The following PRKAR2B variants were observed in gnomAD, a reference collection of about 807,000 sequenced individuals.
PRKAR2B encodes the protein cAMP-dependent protein kinase type II-beta regulatory subunit.
Under a neutral mutation model 49.9 loss-of-function variants are expected in PRKAR2B, and 14 were observed. The ratio of observed to expected loss-of-function variants is 0.28; its 90% CI spans 0.19 to 0.44. PRKAR2B has a LOEUF of 0.44. PRKAR2B is among the 20% of genes least tolerant of loss of function. The pLI is 1.00. For synonymous variants in PRKAR2B, 196 were observed against 197.7 expected (o/e 0.99, Z 0.07); for missense variants, 393 against 537.9 (o/e 0.73, Z 2.67).
At chr7:107,106,131 C>T (rs771317430) in intron 2 of PRKAR2B, among the ~76,000 whole-genome samples, 3 of 152,202 alleles carry the variant, frequency 2.0e-5, no homozygotes, top group Non-Finnish European at 4.4e-5. Context: ...CCAAACAGCC[C>T]TGGAACAGAG....
intron 2 of PRKAR2B, among the ~76,000 whole-genome samples, chr7:107,101,875 CTTT>C (rs10589473): frequency 0.018 from 1,667 of 94,216 alleles, 20 homozygotes; most frequent in Non-Finnish European, 0.025. Context: ...AGCCCTGATC[CTTT>C]TTTTTTTTTT....
intron 2 of PRKAR2B, among the ~76,000 whole-genome samples, chr7:107,080,328 A>G (rs1794491898): frequency 6.6e-6 from 1 of 152,228 alleles, no homozygotes; most frequent in Non-Finnish European, 1.5e-5. Context: ...ACCAAGGCAG[A>G]GAAAAGTCAG....
intron 2 of PRKAR2B, among the ~76,000 whole-genome samples, chr7:107,110,303 C>T (rs955410581): frequency 6.6e-6 from 1 of 152,104 alleles, no homozygotes; most frequent in African/African-American, 2.4e-5. Flanking sequence ...CTAAAGTGCT[C>T]TGGGGCCGTA....
intron 1 of PRKAR2B, among the ~76,000 whole-genome samples, chr7:107,067,763 C>T (rs1223208220): frequency 6.6e-6 from 1 of 152,092 alleles, no homozygotes; most frequent in Non-Finnish European, 1.5e-5. Flanking sequence ...GCATGGTTTT[C>T]TGAAATGATG....
rs763150825 is a variant in PRKAR2B at position 107,128,302 on chromosome 7, T to A, written c.480+7T>A. On this transcript the variant is annotated splice_region_variant and intron_variant, in intron 4 of 10. Transcript: ENST00000265717. ...GTTTAAGAATCTGGATCCGGTAAGA[T>A]AAATCTTAATAATAGAAATGGCTTT... 2.5e-6 allele frequency: 4 copies of A among 1,585,048 alleles called. No homozygotes were observed. The Admixed American group carries it at 6.7e-5, about 26-fold the overall frequency.
intron 2 of PRKAR2B, chr7:107,077,363 A>G (rs932486752): frequency 6.6e-6 from 1 of 152,226 alleles, no homozygotes; most frequent in Non-Finnish European, 1.5e-5. Flanking sequence ...GATGACTCAT[A>G]GTGTAGTAAA....
intron 5 of PRKAR2B, among the ~76,000 whole-genome samples, chr7:107,142,582 A>T (rs1158495903): frequency 6.6e-6 from 1 of 152,110 alleles, no homozygotes; most frequent in South Asian, 2.1e-4. Context: ...CATTTGGTAG[A>T]TGAGAACATG....
At chr7:107,076,007 A>T (rs1427918439) in intron 2 of PRKAR2B, among the ~76,000 whole-genome samples, 2 of 152,010 alleles carry the variant, frequency 1.3e-5, no homozygotes, top group African/African-American at 4.8e-5. Flanking sequence ...TGGAACTCTG[A>T]ATTTTTTTTT....
intron 10 of PRKAR2B, among the ~76,000 whole-genome samples, 160 bp from the exon 11 acceptor site, chr7:107,159,289 G>A (rs1052384854): frequency 6.6e-6 from 1 of 152,110 alleles, no homozygotes; most frequent in African/African-American, 2.4e-5. Flanking sequence ...CCTTTTTCAA[G>A]TGGAACATTT....
chr7:107,097,920 T>C (rs1207581032), intron 2 of PRKAR2B, among the ~76,000 whole-genome samples: 1 of 152,060 alleles, frequency 6.6e-6, no homozygotes, highest in African/African-American at 2.4e-5. Context: ...TAACCCGACC[T>C]TTCTCTCTGG....
chr7:107,094,857 A>G (rs1295870704), intron 2 of PRKAR2B, among the ~76,000 whole-genome samples: 2 of 152,124 alleles, frequency 1.3e-5, no homozygotes, highest in African/African-American at 2.4e-5. Context: ...GTTCTGTTCC[A>G]TTGATCTATA....
At chr7:107,119,978 G>T (rs528753377) in intron 2 of PRKAR2B, among the ~76,000 whole-genome samples, 156 of 152,176 alleles carry the variant, frequency 1.0e-3, no homozygotes, top group Non-Finnish European at 1.9e-3. Flanking sequence ...AAGAGCAAGA[G>T]CTTTGGAGTC....
chr7:107,131,292 T>A (rs1356071003), intron 4 of PRKAR2B, among the ~76,000 whole-genome samples: 2 of 152,240 alleles, frequency 1.3e-5, no homozygotes, highest in Non-Finnish European at 2.9e-5. Context: ...ATGTTGTCTC[T>A]TCTGTTCTGT....
intron 5 of PRKAR2B, among the ~76,000 whole-genome samples, chr7:107,142,904 A>G (rs1795814445): frequency 6.6e-6 from 1 of 152,122 alleles, no homozygotes; most frequent in African/African-American, 2.4e-5. Flanking sequence ...CTGGGACTAC[A>G]GGTACCCGCC....
intron 2 of PRKAR2B, among the ~76,000 whole-genome samples, chr7:107,107,279 G>T (rs1410790485): frequency 5.3e-5 from 8 of 152,076 alleles, no homozygotes; most frequent in African/African-American, 1.4e-4. Context: ...GGAGGTTGTA[G>T]TGAGCCGACA....
intron 1 of PRKAR2B, among the ~76,000 whole-genome samples, chr7:107,059,762 G>A (rs1262648857): frequency 1.3e-5 from 2 of 151,886 alleles, no homozygotes; most frequent in Non-Finnish European, 2.9e-5. Flanking sequence ...AGTTTTCAGT[G>A]TGTGGTCTGG....
At position 107,058,953 on chromosome 7, in the gene PRKAR2B, T is replaced by C. The variant is rs1793970046; in HGVS notation, c.308-11328T>C. 2.0e-5 allele frequency among the ~76,000 whole-genome samples: 3 copies of C among 152,184 alleles called. No individual in the cohort carries two copies. The South Asian group carries it at 6.2e-4, about 31-fold the overall frequency. On this transcript the variant is annotated intron_variant, in intron 1 of 10. Coordinates refer to ENST00000265717, the MANE Select transcript of PRKAR2B (RefSeq NM_002736.3). ...ACTCATATAAGCAGTCCTCTAGCTC[T>C]GACAGATTTTAACATTTTGGCACCC...
chr7:107,061,395 C>A (rs1406809928), intron 1 of PRKAR2B, among the ~76,000 whole-genome samples: 1 of 152,092 alleles, frequency 6.6e-6, no homozygotes, highest in Non-Finnish European at 1.5e-5. Flanking sequence ...ATTCAGTCTT[C>A]CTTTCATATT....
At chr7:107,082,040 C>T (rs1011880290) in intron 2 of PRKAR2B, 2 of 145,286 alleles carry the variant, frequency 1.4e-5, no homozygotes, top group African/African-American at 2.8e-5. Flanking sequence ...AATTTTTGAA[C>T]AGCAGCTTAC....
Sources: gnomAD v4.1 joint callset for allele counts (sites outside exome capture counted in the v4.1 genomes callset) on GRCh38, gnomAD v4.1.1 for gene constraint, MANE v1.5 for transcripts, NCBI Gene and HGNC (gene_info 2026-07-23, HGNC 2026-07-21) for gene names.